LPP: variants seen among roughly 807,000 people sequenced by gnomAD.
The protein encoded by LPP is LIM domain containing preferred translocation partner in lipoma, also known as lipoma-preferred partner.
Under a neutral mutation model 60.4 loss-of-function variants are expected in LPP, and 38 were observed. The ratio of observed to expected loss-of-function variants is 0.63; its 90% CI spans 0.49 to 0.83. The LOEUF is 0.83. Among genes scored for constraint, LPP ranks in the 40% least tolerant of loss-of-function variants. LPP has a pLI of 0.00. For synonymous variants in LPP, 328 were observed against 290.8 expected (o/e 1.13, Z -1.30); for missense variants, 902 against 783.6 (o/e 1.15, Z -1.80).
intron 6 of LPP, among the ~76,000 whole-genome samples, chr3:188,560,113 T>C (rs138605486): frequency 2.0e-5 from 3 of 152,222 alleles, no homozygotes; most frequent in African/African-American, 7.2e-5. Context: ...GAGGAATAAT[T>C]ATATTTACTT....
chr3:188,611,467 GA>G (rs1229890502), intron 7 of LPP, among the ~76,000 whole-genome samples: 6 of 152,158 alleles, frequency 3.9e-5, no homozygotes, highest in Admixed American at 2.0e-4. Context: ...CCAGTTCAGA[GA>G]AACAGATTAT....
rs188014670 is a variant in LPP, at chr3:188,162,946, C to T, written c.-190+8694C>T. On this transcript the variant is annotated intron_variant, in intron 1 of 11. Coordinates refer to ENST00000617246, the MANE Select transcript of LPP (RefSeq NM_001375462.1). ...GCACTATTTGTTTTCTCCACGTATT[C>T]ATTTTTAGATCTCTTATTAATGAGG... 2.3e-3 allele frequency among the ~76,000 whole-genome samples: 356 copies of T among 152,262 alleles called. 1 individual carries two copies. Among genetic ancestry groups the T allele is most frequent in the Middle Eastern group, 3.4e-3 (1 of 294 alleles).
At chr3:188,735,223 C>A (rs1577261714) in intron 8 of LPP, among the ~76,000 whole-genome samples, 1 of 151,888 alleles carries the variant, frequency 6.6e-6, no homozygotes, top group South Asian at 2.1e-4. Context: ...TATGTTGATG[C>A]ATGTTTCAGA....
intron 2 of LPP, among the ~76,000 whole-genome samples, chr3:188,314,362 A>G (rs1453611028): frequency 1.3e-5 from 2 of 152,044 alleles, no homozygotes; most frequent in Non-Finnish European, 2.9e-5. Flanking sequence ...AGAAACTTTG[A>G]AAGTAATCAT....
intron 7 of LPP, among the ~76,000 whole-genome samples, chr3:188,708,010 CA>C: frequency 6.6e-6 from 1 of 152,280 alleles, no homozygotes; most frequent in East Asian, 1.9e-4. Context: ...AATTGTTGAA[CA>C]AAATAGATTC....
chr3:188,378,310 G>A (rs1775816495), intron 3 of LPP, among the ~76,000 whole-genome samples: 1 of 152,234 alleles, frequency 6.6e-6, no homozygotes, highest in African/African-American at 2.4e-5. Flanking sequence ...CAGAGGTGGA[G>A]CCTACAGAGG....
chr3:188,674,630 ATTGGGCTGGG>A (rs1337639925), intron 7 of LPP, among the ~76,000 whole-genome samples: 2 of 152,226 alleles, frequency 1.3e-5, no homozygotes, highest in African/African-American at 2.4e-5. Flanking sequence ...TTCAACAAAC[ATTGGGCTGGG>A]TTTCTTCTTT....
At chr3:188,180,148 CCT>C (rs1317139043) in intron 1 of LPP, 2 of 153,510 alleles carry the variant, frequency 1.3e-5, no homozygotes, top group African/African-American at 4.8e-5. Flanking sequence ...TTCCGCGCTC[CCT>C]GACTCTGCTT....
At chr3:188,465,183 T>G (rs1356912806) in intron 4 of LPP, among the ~76,000 whole-genome samples, 1 of 152,186 alleles carries the variant, frequency 6.6e-6, no homozygotes, top group Non-Finnish European at 1.5e-5. Flanking sequence ...CAGAGTATAC[T>G]TCCCCCTTTA....
intron 9 of LPP, among the ~76,000 whole-genome samples, chr3:188,819,024 G>GGGTGT (rs1353857937): frequency 7.9e-6 from 1 of 126,556 alleles, no homozygotes; most frequent in African/African-American, 3.2e-5. Context: ...AACTCATGGG[G>GGGTGT]GTCGTGTGTG....
At chr3:188,279,864 A>C (rs1741311292) in intron 2 of LPP, among the ~76,000 whole-genome samples, 1 of 152,166 alleles carries the variant, frequency 6.6e-6, no homozygotes. Context: ...TCATTCCTCT[A>C]ATTTAATATA....
intron 2 of LPP, among the ~76,000 whole-genome samples, chr3:188,249,917 G>T (rs1164910847): frequency 2.3e-5 from 3 of 131,620 alleles, no homozygotes; most frequent in Admixed American, 1.7e-4. Flanking sequence ...TTTTTTTCCA[G>T]AAGTATTTCA....
chr3:188,605,873 A>G (rs76245582), intron 6 of LPP, among the ~76,000 whole-genome samples: 5,700 of 152,286 alleles, frequency 0.037, 138 homozygotes, highest in Admixed American at 0.054. Context: ...TTTACTTCCA[A>G]TGGTTCTCAA....
chr3:188,513,136 T>C (rs1816314054), intron 5 of LPP, among the ~76,000 whole-genome samples: 1 of 152,220 alleles, frequency 6.6e-6, no homozygotes, highest in African/African-American at 2.4e-5. Context: ...TCCTAGATGA[T>C]CTTATGGATA....
Position 188,878,770 on chromosome 3 carries a change from AAAAAAG to A in LPP, c.*4295_*4300del. On this transcript the variant is annotated 3_prime_UTR_variant, in exon 12 of 12. Transcript: ENST00000617246. ...AAAAAGTAAAAAAGTAAAAAAAAAA[AAAAAAG>A]AAAGAAAGAAAAGAAAGAGAGAGAA... 1 of 204,598 alleles carries A rather than the reference AAAAAAG, an allele frequency of 4.9e-6. No homozygotes were observed. Among genetic ancestry groups the A allele is most frequent in the Non-Finnish European group, 1.0e-5 (1 of 99,942 alleles). The allele number at this position is 204,598 out of a possible 1,614,324, so 12.7% of individuals were successfully genotyped here.
intron 6 of LPP, among the ~76,000 whole-genome samples, chr3:188,545,783 T>A (rs1414784223): frequency 6.6e-6 from 1 of 152,124 alleles, no homozygotes; most frequent in Non-Finnish European, 1.5e-5. Context: ...TGTTATGACT[T>A]AGTTTTAGAA....
At chr3:188,635,443 C>T (rs1848548841) in intron 7 of LPP, among the ~76,000 whole-genome samples, 1 of 152,172 alleles carries the variant, frequency 6.6e-6, no homozygotes, top group Non-Finnish European at 1.5e-5. Context: ...AGTCTGTCCA[C>T]AAATATTGTG....
chr3:188,205,488 G>T (rs1396505120), intron 1 of LPP, among the ~76,000 whole-genome samples: 3 of 152,082 alleles, frequency 2.0e-5, no homozygotes, highest in African/African-American at 7.2e-5. Context: ...CACCGTGTTG[G>T]CCAGGCTGGT....
At chr3:188,381,808 T>C (rs1025210485) in intron 3 of LPP, among the ~76,000 whole-genome samples, 1 of 152,162 alleles carries the variant, frequency 6.6e-6, no homozygotes, top group East Asian at 1.9e-4. Context: ...TAATTGACAA[T>C]TAACTGTTGT....
Sources: gnomAD v4.1 joint callset for allele counts (sites outside exome capture counted in the v4.1 genomes callset) on GRCh38, gnomAD v4.1.1 for gene constraint, MANE v1.5 for transcripts, NCBI Gene and HGNC (gene_info 2026-07-23, HGNC 2026-07-21) for gene names.